Variants in NCAM1 observed in about 807,000 individuals in gnomAD.
NCAM1 encodes neural cell adhesion molecule 1, also known as antigen recognized by monoclonal antibody 5.1H11.
NCAM1 carries 14 observed loss-of-function variants against 109.8 expected under a neutral mutation model. The ratio of observed to expected loss-of-function variants is 0.13; its 90% CI spans 0.08 to 0.20. The LOEUF is 0.20. Among genes scored for constraint, NCAM1 ranks in the 10% least tolerant of loss-of-function variants. NCAM1 has a pLI of 1.00. For synonymous variants in NCAM1, 418 were observed against 442.9 expected (o/e 0.94, Z 0.70); for missense variants, 774 against 1,109.9 (o/e 0.70, Z 4.30).
intron 1 of NCAM1, among the ~76,000 whole-genome samples, chr11:113,002,648 T>C (rs570045663): frequency 1.5e-4 from 23 of 152,212 alleles, no homozygotes; most frequent in Admixed American, 5.2e-4. Flanking sequence ...CCCTCAGATA[T>C]TGGGATCAGT....
intron 1 of NCAM1, among the ~76,000 whole-genome samples, chr11:113,095,840 C>A (rs553476587): frequency 6.6e-6 from 1 of 152,142 alleles, no homozygotes; most frequent in Non-Finnish European, 1.5e-5. Context: ...ACTGTGTGAC[C>A]TTGAGCAAAT....
At chr11:113,155,518 A>C (rs1045757903) in intron 1 of NCAM1, among the ~76,000 whole-genome samples, 1 of 151,708 alleles carries the variant, frequency 6.6e-6, no homozygotes, top group Non-Finnish European at 1.5e-5. Flanking sequence ...TAAAAAAAAA[A>C]ACAAAAAACA....
intron 7 of NCAM1, among the ~76,000 whole-genome samples, chr11:113,209,285 T>C (rs1555113349): frequency 6.6e-6 from 1 of 152,192 alleles, no homozygotes; most frequent in African/African-American, 2.4e-5. Context: ...AAATCAAGAC[T>C]TTATATGCAA....
chr11:112,992,230 A>G (rs1565369131), intron 1 of NCAM1, among the ~76,000 whole-genome samples: 2 of 152,158 alleles, frequency 1.3e-5, no homozygotes, highest in Admixed American at 1.3e-4. Context: ...ATAATCATAA[A>G]TTGTTAAAAA....
chr11:112,961,797 AAGG>A (rs1555063144), intron 1 of NCAM1, 133 bp downstream of exon 1: 1 of 668,340 alleles, frequency 1.5e-6, no homozygotes, highest in Non-Finnish European at 2.6e-6. Flanking sequence ...TTAGCTGTGA[AAGG>A]AGCGCGTCGC....
At chr11:112,986,782 TTCTC>T (rs571274399) in intron 1 of NCAM1, among the ~76,000 whole-genome samples, 90 of 152,150 alleles carry the variant, frequency 5.9e-4, no homozygotes, top group Middle Eastern at 3.4e-3. Context: ...TATTTCATTC[TTCTC>T]TCTCTTTTTT....
chr11:113,262,243 A>G (rs1223639985), intron 17 of NCAM1, among the ~76,000 whole-genome samples: 1 of 152,234 alleles, frequency 6.6e-6, no homozygotes, highest in Non-Finnish European at 1.5e-5. Flanking sequence ...GACTTGTGCC[A>G]TAGGAAGAAA....
intron 1 of NCAM1, among the ~76,000 whole-genome samples, chr11:113,186,839 C>T (rs1333148110): frequency 3.9e-5 from 6 of 152,186 alleles, no homozygotes; most frequent in East Asian, 3.8e-4. Flanking sequence ...AGCAGAGGTG[C>T]GAAGCCAGTG....
chr11:112,978,545 TA>T (rs1951068038), intron 1 of NCAM1, among the ~76,000 whole-genome samples: 2 of 151,820 alleles, frequency 1.3e-5, no homozygotes. Context: ...ATGAGCTACT[TA>T]TAATGTTTCT....
intron 9 of NCAM1, chr11:113,231,240 G>A (rs1555117135): frequency 6.5e-7 from 1 of 1,536,148 alleles, no homozygotes; most frequent in East Asian, 2.4e-5. Context: ...AGAAAGGACA[G>A]GCTGGCAGTG....
At chr11:113,041,523 G>A (rs530559839) in intron 1 of NCAM1, among the ~76,000 whole-genome samples, 1 of 152,180 alleles carries the variant, frequency 6.6e-6, no homozygotes, top group Non-Finnish European at 1.5e-5. Flanking sequence ...TTGACCATTT[G>A]GTTATGTAAT....
intron 1 of NCAM1, among the ~76,000 whole-genome samples, chr11:113,138,096 G>C (rs560718296): frequency 6.6e-6 from 1 of 152,152 alleles, no homozygotes; most frequent in Non-Finnish European, 1.5e-5. Flanking sequence ...TTACAGCAGA[G>C]AGCAGAGAAA....
rs139938909 is a variant in NCAM1, at chr11:113,110,433, G to A, written c.53-91946G>A. Among the ~76,000 whole-genome samples the A allele has an allele frequency of 4.2e-3, 636 of 152,210 alleles. 1 individual carries two copies. The highest frequency in any genetic ancestry group is 0.014 in the African/African-American group (583 of 41,530). On this transcript the variant is annotated intron_variant, in intron 1 of 19. Coordinates refer to ENST00000316851, the MANE Select transcript of NCAM1 (RefSeq NM_181351.5). The stretch of plus-strand genomic sequence containing the variant: ...AAATGTTATGCTCTGGTTTAAATTT[G>A]GCTAGCTTTATAATTGATTATCCTC...
rs1032693851 is a variant in NCAM1 at position 113,043,023 on chromosome 11, G to A, written c.52+81359G>A. The stretch of plus-strand genomic sequence containing the variant: ...CTTATTTTGCCATTTAAAACTTTCT[G>A]TGATCTAGACCAACCTTCTTTTTGA... On this transcript the variant is annotated intron_variant, in intron 1 of 19. Coordinates refer to ENST00000316851, the MANE Select transcript of NCAM1 (RefSeq NM_181351.5). 2.6e-5 allele frequency among the ~76,000 whole-genome samples: 4 copies of A among 152,202 alleles called. No homozygotes were observed. In the East Asian group the frequency reaches 7.7e-4, roughly 29 times the overall value.
intron 1 of NCAM1, among the ~76,000 whole-genome samples, chr11:113,018,565 A>G (rs1555075703): frequency 1.3e-5 from 2 of 152,132 alleles, no homozygotes; most frequent in African/African-American, 4.8e-5. Context: ...ATTACCCCAT[A>G]GTTCACCTCA....
At chr11:113,157,454 CT>C (rs1483824324) in intron 1 of NCAM1, among the ~76,000 whole-genome samples, 1 of 152,132 alleles carries the variant, frequency 6.6e-6, no homozygotes, top group African/African-American at 2.4e-5. Context: ...TTTTTTCCTA[CT>C]TTCTTGGTAC....
chr11:113,016,014 G>A lies in NCAM1; in HGVS notation c.52+54350G>A, dbSNP rs140894911. On this transcript the variant is annotated intron_variant, in intron 1 of 19. Coordinates refer to ENST00000316851, the MANE Select transcript of NCAM1 (RefSeq NM_181351.5). ...AGAAAAGCGGGATCAGGATGATGGT[G>A]GTGTGCCGAGTATTAAATATTTGAC... 5.3e-5 allele frequency among the ~76,000 whole-genome samples: 8 copies of A among 152,222 alleles called. No individual in the cohort carries two copies. In the East Asian group the frequency reaches 1.5e-3, roughly 29 times the overall value.
intron 1 of NCAM1, among the ~76,000 whole-genome samples, chr11:113,032,819 C>A (rs1555078529): frequency 6.6e-6 from 1 of 152,114 alleles, no homozygotes; most frequent in African/African-American, 2.4e-5. Flanking sequence ...GGGAAATGAG[C>A]TGATTATTTT....
At chr11:113,009,215 T>C (rs1555073859) in intron 1 of NCAM1, among the ~76,000 whole-genome samples, 5 of 151,710 alleles carry the variant, frequency 3.3e-5, no homozygotes, top group African/African-American at 1.2e-4. Flanking sequence ...TATCAAAAAA[T>C]TGGCAAACAA....
Sources: gnomAD v4.1 joint callset for allele counts (sites outside exome capture counted in the v4.1 genomes callset) on GRCh38, gnomAD v4.1.1 for gene constraint, MANE v1.5 for transcripts, NCBI Gene and HGNC (gene_info 2026-07-23, HGNC 2026-07-21) for gene names.